Variants in KCNJ6 observed in about 807,000 individuals in gnomAD.
KCNJ6 encodes potassium inwardly rectifying channel subfamily J member 6.
A neutral mutation model predicts 34.2 loss-of-function variants in KCNJ6; 9 were observed. The observed-to-expected ratio is 0.26, with a 90% CI of 0.16 to 0.46. The LOEUF (loss-of-function observed/expected upper bound fraction) is 0.46, where lower values mean the gene tolerates loss of function less well. Ranked by LOEUF, KCNJ6 falls within the 20% of genes least tolerant of loss-of-function variation. The probability of loss-of-function intolerance (pLI) is 1.00; values close to 1 mark genes in which losing one functional copy is unlikely to be tolerated. For synonymous variants in KCNJ6, 196 were observed against 207.1 expected (o/e 0.95, Z 0.46); for missense variants, 236 against 531.3 (o/e 0.44, Z 5.46).
At chr21:37,837,943 G>A (rs777329845) in intron 2 of KCNJ6, among the ~76,000 whole-genome samples, 1 of 152,116 alleles carries the variant, frequency 6.6e-6, no homozygotes, top group Non-Finnish European at 1.5e-5. Flanking sequence ...GCATTTTGTA[G>A]CATCTATAGA....
intron 2 of KCNJ6, among the ~76,000 whole-genome samples, chr21:37,799,692 G>C (rs763778718): frequency 1.3e-5 from 2 of 152,072 alleles, no homozygotes; most frequent in African/African-American, 4.8e-5. Flanking sequence ...AAGTTCTCTC[G>C]AAATGTTTGA....
intron 2 of KCNJ6, among the ~76,000 whole-genome samples, chr21:37,827,823 T>TTATACATATTTATATATGTATAAA (rs2055406183): frequency 6.6e-6 from 1 of 152,204 alleles, no homozygotes; most frequent in Non-Finnish European, 1.5e-5. Context: ...TCAAATGCAG[T>TTATACATATTTATATATGTATAAA]TATACATATT....
chr21:37,697,163 G>A (rs1236143606), intron 3 of KCNJ6, among the ~76,000 whole-genome samples: 2 of 152,186 alleles, frequency 1.3e-5, no homozygotes, highest in East Asian at 1.9e-4. Flanking sequence ...TTTGACCACC[G>A]TGTGGCTTAA....
At chr21:37,880,505 A>G (rs2123622722) in intron 1 of KCNJ6, among the ~76,000 whole-genome samples, 1 of 152,360 alleles carries the variant, frequency 6.6e-6, no homozygotes, top group East Asian at 1.9e-4. Flanking sequence ...TAAGATCCCC[A>G]AACAAAGAAG....
chr21:37,796,788 T>C (rs1325604243), intron 2 of KCNJ6, among the ~76,000 whole-genome samples: 56 of 129,756 alleles, frequency 4.3e-4, no homozygotes, highest in Non-Finnish European at 7.3e-4. Context: ...TCTTTTTTTT[T>C]TTTTTTTTTT....
intron 1 of KCNJ6, among the ~76,000 whole-genome samples, chr21:37,889,663 G>C (rs1346934463): frequency 1.3e-5 from 2 of 152,178 alleles, no homozygotes; most frequent in African/African-American, 4.8e-5. Context: ...GAAGGCTCCA[G>C]GGAAGAATCC....
At chr21:37,906,621 A>T (rs1481946117) in intron 1 of KCNJ6, among the ~76,000 whole-genome samples, 3 of 152,158 alleles carry the variant, frequency 2.0e-5, no homozygotes, top group Non-Finnish European at 4.4e-5. Flanking sequence ...ACACTATGGG[A>T]ACCACTGACC....
intron 3 of KCNJ6, among the ~76,000 whole-genome samples, chr21:37,640,018 C>T (rs563612872): frequency 6.6e-6 from 1 of 152,294 alleles, no homozygotes; most frequent in Admixed American, 6.5e-5. Context: ...TATAGATTAC[C>T]CAGTCTATAG....
chr21:37,891,781 C>T (rs1279918114), intron 1 of KCNJ6, among the ~76,000 whole-genome samples: 2 of 152,170 alleles, frequency 1.3e-5, no homozygotes, highest in African/African-American at 4.8e-5. Context: ...ATAAGGGCCT[C>T]AGCTCTGCAT....
Position 37,622,344 on chromosome 21 carries a change from T to G in KCNJ6, c.*2815A>C, listed in dbSNP as rs1166588415. 6.6e-6 allele frequency: 1 copy of G among 152,130 alleles called. No individual in the cohort carries two copies. 9.4% of individuals were successfully genotyped at this position (152,130 alleles called of 1,614,324 possible). On this transcript the variant is annotated 3_prime_UTR_variant, in exon 4 of 4. Coordinates refer to ENST00000609713, the MANE Select transcript of KCNJ6 (RefSeq NM_002240.5). ...ATTGCGGAATAGAATGAGTGGAAAT[T>G]GTGGGGTCAATTTTGTTGAGCTGTC...
At chr21:37,720,222 A>G (rs2054817894) in intron 2 of KCNJ6, among the ~76,000 whole-genome samples, 1 of 152,168 alleles carries the variant, frequency 6.6e-6, no homozygotes, top group South Asian at 2.1e-4. Flanking sequence ...ACATCGAGAC[A>G]CTCTAGATAC....
chr21:37,779,394 A>C (rs954321223), intron 2 of KCNJ6, among the ~76,000 whole-genome samples: 9 of 152,080 alleles, frequency 5.9e-5, no homozygotes, highest in Non-Finnish European at 8.8e-5. Context: ...ATTTATTTCA[A>C]GGTATAGCAA....
intron 1 of KCNJ6, among the ~76,000 whole-genome samples, chr21:37,897,464 C>A (rs2055794614): frequency 6.6e-6 from 1 of 152,218 alleles, no homozygotes. Flanking sequence ...TTTCTAGAAG[C>A]AAAGTTGTCT....
chr21:37,902,430 T>C (rs2055821380), intron 1 of KCNJ6, among the ~76,000 whole-genome samples: 1 of 152,216 alleles, frequency 6.6e-6, no homozygotes, highest in Admixed American at 6.5e-5. Context: ...TCTTGTACAG[T>C]GGGTCCTCAC....
chr21:37,651,932 A>T (rs2054435612), intron 3 of KCNJ6, among the ~76,000 whole-genome samples: 1 of 152,136 alleles, frequency 6.6e-6, no homozygotes. Flanking sequence ...AACCTTACTG[A>T]CCCACTGATT....
rs975936280 is a variant in KCNJ6, at chr21:37,761,761, TTGTG to T, written c.26-46634_26-46631del. Among the ~76,000 whole-genome samples the T allele has an allele frequency of 2.3e-3, 353 of 151,776 alleles. 2 individuals carry two copies. Among genetic ancestry groups the T allele is most frequent in the South Asian group, 8.2e-3 (39 of 4,746 alleles). On this transcript the variant is annotated intron_variant, in intron 2 of 3. Coordinates refer to ENST00000609713, the MANE Select transcript of KCNJ6 (RefSeq NM_002240.5). ...CGTGTGTGTGGTATGTGTGTATGTG[TTGTG>T]TGTATGTAGTGTGTGTGTGGTATGT...
chr21:37,760,987 G>A (rs1009417953), intron 2 of KCNJ6, among the ~76,000 whole-genome samples: 2 of 152,196 alleles, frequency 1.3e-5, no homozygotes, highest in African/African-American at 4.8e-5. Flanking sequence ...TCAGGGAAGA[G>A]CCAGAAGAAA....
At chr21:37,726,634 C>T (rs1168346421) in intron 2 of KCNJ6, among the ~76,000 whole-genome samples, 1 of 152,154 alleles carries the variant, frequency 6.6e-6, no homozygotes, top group Non-Finnish European at 1.5e-5. Flanking sequence ...AATGAATGTT[C>T]TCCAAAGTAT....
intron 2 of KCNJ6, among the ~76,000 whole-genome samples, chr21:37,752,636 T>G (rs1466830781): frequency 1.3e-5 from 2 of 152,126 alleles, no homozygotes; most frequent in Non-Finnish European, 2.9e-5. Flanking sequence ...GTGACCGTGC[T>G]CATAAATCCT....
Sources: allele counts gnomAD v4.1 joint callset (sites outside exome capture counted in the v4.1 genomes callset), GRCh38; gene constraint gnomAD v4.1.1; transcripts MANE v1.5; gene names NCBI Gene and HGNC (gene_info 2026-07-23, HGNC 2026-07-21).